LTBP1: variants seen among roughly 807,000 people sequenced by gnomAD.
LTBP1 encodes the protein latent transforming growth factor beta binding protein 1, also known as latent-transforming growth factor beta-binding protein 1.
LTBP1 carries 129 observed loss-of-function variants against 207.6 expected under a neutral mutation model. The observed-to-expected ratio is 0.62, with a 90% CI of 0.54 to 0.72. The LOEUF (loss-of-function observed/expected upper bound fraction) is 0.72. Ranked by LOEUF, LTBP1 falls within the 30% of genes least tolerant of loss-of-function variation. LTBP1 has a pLI of 0.00. For synonymous variants in LTBP1, 963 were observed against 833.7 expected, an observed-to-expected ratio of 1.16 and a Z score of -2.67; for missense variants, 2,281 against 2,217.2, an observed-to-expected ratio of 1.03 and a Z score of -0.58.
intron 26 of LTBP1, among the ~76,000 whole-genome samples, chr2:33,350,216 A>C (rs1056244871): frequency 2.6e-5 from 4 of 152,234 alleles, no homozygotes; most frequent in Non-Finnish European, 5.9e-5. Context: ...ATAAATTTCC[A>C]GTATAGGCTA....
At chr2:33,044,363 T>A (rs1157330816) in intron 3 of LTBP1, among the ~76,000 whole-genome samples, 2 of 151,974 alleles carry the variant, frequency 1.3e-5, no homozygotes, top group African/African-American at 4.8e-5. Context: ...GAACATGTGG[T>A]GTTTGGTTTT....
At chr2:33,058,771 T>C (rs539620429) in intron 3 of LTBP1, among the ~76,000 whole-genome samples, 1 of 152,366 alleles carries the variant, frequency 6.6e-6, no homozygotes, top group South Asian at 2.1e-4. Context: ...TCTGTTTCAC[T>C]GGTACTAATT....
intron 7 of LTBP1, among the ~76,000 whole-genome samples, chr2:33,208,025 A>G (rs1399450007): frequency 6.6e-6 from 1 of 152,252 alleles, no homozygotes; most frequent in Non-Finnish European, 1.5e-5. Context: ...CTTTTCCCAT[A>G]GGGGACTTCA....
rs76768682 is a variant in LTBP1 at position 33,103,906 on chromosome 2, G to A, written c.864-6676G>A. 3.1e-4 allele frequency among the ~76,000 whole-genome samples: 47 copies of A among 152,136 alleles called. No individual in the cohort carries two copies. The East Asian group carries it at 8.9e-3, about 29-fold the overall frequency. ...AAGGTGACCCCTGCACTTTCCTCCTGAATCCCTGTTTCCTCTTCTGCTTTT... is the reference window on the plus strand; with the variant it reads ...AAGGTGACCCCTGCACTTTCCTCCTAAATCCCTGTTTCCTCTTCTGCTTTT... On this transcript the variant is annotated intron_variant, in intron 3 of 33. Coordinates refer to ENST00000404816, the MANE Select transcript of LTBP1 (RefSeq NM_206943.4).
chr2:33,372,241 G>T (rs1169954673), intron 31 of LTBP1, among the ~76,000 whole-genome samples: 1 of 152,116 alleles, frequency 6.6e-6, no homozygotes. Flanking sequence ...AGTGTTACTC[G>T]AGTCTCTTTC....
At position 33,123,838 on chromosome 2, in the gene LTBP1, C is replaced by T. The variant is rs72871222; in HGVS notation, c.1034-10955C>T. On this transcript the variant is annotated intron_variant, in intron 4 of 33. Transcript: ENST00000404816. ...TAATTAAGTATGTTACATTATAATA[C>T]TTGTATATTACTTGATTACTACTTA... Among the ~76,000 whole-genome samples, 958 of 152,158 alleles carry T rather than the reference C, an allele frequency of 6.3e-3. 9 individuals carry two copies. The highest frequency in any genetic ancestry group is 0.022 in the African/African-American group (897 of 41,480).
At chr2:33,288,404 A>G (rs2093707053) in intron 19 of LTBP1, among the ~76,000 whole-genome samples, 1 of 152,184 alleles carries the variant, frequency 6.6e-6, no homozygotes, top group Non-Finnish European at 1.5e-5. Context: ...TTAAATTTTA[A>G]AAGGTTCTTC....
At chr2:33,239,178 A>G (rs943353527) in intron 9 of LTBP1, among the ~76,000 whole-genome samples, 12 of 152,242 alleles carry the variant, frequency 7.9e-5, no homozygotes, top group Admixed American at 2.0e-4. Context: ...TGTTTTAAAT[A>G]AGTGGAAAAG....
chr2:33,138,979 C>A (rs1026536971), intron 5 of LTBP1, among the ~76,000 whole-genome samples: 1 of 150,072 alleles, frequency 6.7e-6, no homozygotes, highest in Admixed American at 6.7e-5. Flanking sequence ...CTGCCTCAGC[C>A]TCCCGAGTAG....
intron 3 of LTBP1, among the ~76,000 whole-genome samples, chr2:33,083,610 G>A (rs2078569434): frequency 6.6e-6 from 1 of 152,096 alleles, no homozygotes; most frequent in Admixed American, 6.5e-5. Context: ...TGCTGCAGTA[G>A]GTCCTTAACT....
At chr2:33,091,455 AGTAGAAGAGCTGAG>A (rs1288582772) in intron 3 of LTBP1, among the ~76,000 whole-genome samples, 2 of 152,194 alleles carry the variant, frequency 1.3e-5, no homozygotes, top group African/African-American at 2.4e-5. Context: ...TCAGCCCATG[AGTAGAAGAGCTGAG>A]GTTCCTACGT....
intron 24 of LTBP1, among the ~76,000 whole-genome samples, chr2:33,324,591 T>C (rs766794588): frequency 1.1e-4 from 16 of 152,134 alleles, no homozygotes; most frequent in Non-Finnish European, 2.4e-4. Context: ...TTTTATATTG[T>C]CAATGCTTAC....
chr2:33,125,198 A>G (rs2081358000), intron 4 of LTBP1, among the ~76,000 whole-genome samples: 1 of 152,184 alleles, frequency 6.6e-6, no homozygotes, highest in African/African-American at 2.4e-5. Context: ...GGGCGTATCG[A>G]GGAAAGAAAG....
At chr2:33,235,596 A>G (rs897865624) in intron 9 of LTBP1, among the ~76,000 whole-genome samples, 15 of 152,220 alleles carry the variant, frequency 9.9e-5, no homozygotes, top group African/African-American at 3.1e-4. Context: ...ATAAAGACAC[A>G]TGCACACATA....
At chr2:33,226,113 G>A (rs2149479823) in intron 9 of LTBP1, among the ~76,000 whole-genome samples, 1 of 152,286 alleles carries the variant, frequency 6.6e-6, no homozygotes, top group East Asian at 1.9e-4. Context: ...TGCTTAATAT[G>A]CAAATACTTG....
chr2:33,174,621 A>T (rs1218637329), intron 5 of LTBP1, among the ~76,000 whole-genome samples: 2 of 152,164 alleles, frequency 1.3e-5, no homozygotes, highest in Non-Finnish European at 2.9e-5. Context: ...CCATCAAGCT[A>T]CCAATGACTT....
At chr2:33,196,832 C>A (rs9308932) in intron 7 of LTBP1, among the ~76,000 whole-genome samples, 12,261 of 152,006 alleles carry the variant, frequency 0.081, 1,062 homozygotes, top group African/African-American at 0.22. Context: ...AGGGTGTTTT[C>A]GAGATGGAAT....
intron 31 of LTBP1, among the ~76,000 whole-genome samples, chr2:33,372,940 G>A (rs2150235895): frequency 6.6e-6 from 1 of 152,250 alleles, no homozygotes; most frequent in South Asian, 2.1e-4. Context: ...ATTATCTCAT[G>A]GAAATCAAAA....
chr2:33,102,968 T>G (rs982333840), intron 3 of LTBP1, among the ~76,000 whole-genome samples: 1 of 152,224 alleles, frequency 6.6e-6, no homozygotes, highest in Non-Finnish European at 1.5e-5. Flanking sequence ...GTATGCTGTA[T>G]GCACTGTCTG....
Sources: allele counts gnomAD v4.1 joint callset (sites outside exome capture counted in the v4.1 genomes callset), GRCh38; gene constraint gnomAD v4.1.1; transcripts MANE v1.5; gene names NCBI Gene and HGNC (gene_info 2026-07-23, HGNC 2026-07-21).